Variants in BARHL2 observed in about 807,000 individuals in gnomAD.
The protein encoded by BARHL2 is barH-like 2 homeobox protein.
A neutral mutation model predicts 27.1 loss-of-function variants in BARHL2; 10 were observed. The observed-to-expected ratio is 0.37, with a 90% confidence interval of 0.23 to 0.63. The LOEUF is 0.63. Ranked by LOEUF, BARHL2 falls within the 20% of genes least tolerant of loss-of-function variation. The pLI, the probability that BARHL2 is intolerant of heterozygous loss-of-function variation, is 0.65. For missense variants in BARHL2, 483 were observed against 533.5 expected (o/e 0.91, Z 0.93); for synonymous variants, 248 against 224.7 (o/e 1.10, Z -0.93).
chr1:90,715,409 G>A (rs533058440), intron 1 of BARHL2, among the ~76,000 whole-genome samples: 5 of 152,100 alleles, frequency 3.3e-5, no homozygotes, highest in Middle Eastern at 3.4e-3. Flanking sequence ...GGAGATTTCC[G>A]GATTCTATTT....
At chr1:90,715,842 T>C (rs78568835) in intron 1 of BARHL2, among the ~76,000 whole-genome samples, 1 of 141,068 alleles carries the variant, frequency 7.1e-6, no homozygotes, top group Non-Finnish European at 1.6e-5. Context: ...TGTCATCTTA[T>C]TTTTTTTTTA....
At chr1:90,715,170 CTT>C (rs35625130) in intron 1 of BARHL2, among the ~76,000 whole-genome samples, 16,181 of 66,392 alleles carry the variant, frequency 0.24, 972 homozygotes, top group South Asian at 0.35. Flanking sequence ...TCCCTCTACT[CTT>C]TTTTTTTTTT....
chr1:90,714,575 G>A lies in BARHL2; in HGVS notation c.807C>T (p.Leu269=), dbSNP rs1441421527. Reference sequence around the variant, plus strand: ...TCTTGACTTGGGTGTCAGTGAGGTTGAGCGCTGCAGCCAGGTCCATGCGAT... The same window carrying A: ...TCTTGACTTGGGTGTCAGTGAGGTTAAGCGCTGCAGCCAGGTCCATGCGAT... ...VQDRMDLAAA[L]NLTDTQVKTW... Residue 269 remains leucine (L), a synonymous_variant, in exon 2 of 3, where the codon CTC becomes CTT. Transcript: ENST00000370445. The A allele has an allele frequency of 6.2e-7, 1 of 1,614,242 alleles. No homozygotes were observed. Among genetic ancestry groups the A allele is most frequent in the African/African-American group, 1.3e-5 (1 of 75,068 alleles).
chr1:90,714,341 A>G (rs939549734), intron 2 of BARHL2, among the ~76,000 whole-genome samples, 190 bp downstream of exon 2: 5 of 152,250 alleles, frequency 3.3e-5, no homozygotes, highest in African/African-American at 1.2e-4. Context: ...TCCAAATTCC[A>G]GCTGCCCTTT....
Position 90,712,478 on chromosome 1 carries a change from G to A in BARHL2, c.998C>T (p.Ala333Val). The A allele has an allele frequency of 6.2e-7, 1 of 1,609,482 alleles. No individual in the cohort carries two copies. The highest frequency in any genetic ancestry group is 1.1e-5 in the South Asian group (1 of 90,828). Residue 333 changes from alanine (A) to valine (V), a missense_variant, in exon 3 of 3, where the codon GCT (alanine) becomes GTT (valine). Physicochemically the swap from Ala to Val is moderately conservative, Grantham distance 64. This residue lies in a region of BARHL2 where 130 missense variants were observed against 138.0 expected (regional missense o/e 0.94). Coordinates refer to ENST00000370445, the MANE Select transcript of BARHL2 (RefSeq NM_020063.2). ...CATGCTGCTGTACATGGCAGCGGCA[G>A]CCGCCGCCGCCGTAGTGCTGTCCAT... ...GSMDSTTAAA[A>V]AAAMYSSMYR...
At chr1:90,715,333 C>G (rs1227603841) in intron 1 of BARHL2, among the ~76,000 whole-genome samples, 1 of 152,132 alleles carries the variant, frequency 6.6e-6, no homozygotes, top group Admixed American at 6.5e-5. Flanking sequence ...TAAAGCTTCA[C>G]AAAGAATATG....
rs2100643906 is a variant in BARHL2, at chr1:90,717,140, C to T, written c.56G>A (p.Ser19Asn). ...SSFGIDTILS[S>N]ASSGSPGMMN... ...CATGCCTGGGCTGCCTGAACTGGCA[C>T]TGGACAAAATCGTGTCTATTCCAAA... The change falls in exon 1 of 3, where the codon AGT becomes AAT. Residue 19 changes from serine (S) to asparagine (N), a missense_variant. Coordinates refer to ENST00000370445, the MANE Select transcript of BARHL2 (RefSeq NM_020063.2). 1 of 1,613,902 alleles carries T rather than the reference C, an allele frequency of 6.2e-7. No individual in the cohort carries two copies. Among genetic ancestry groups the T allele is most frequent in the South Asian group, 1.1e-5 (1 of 91,012 alleles).
intron 2 of BARHL2, 127 bp downstream of exon 2, chr1:90,714,404 C>T (rs1658101207): frequency 2.2e-6 from 2 of 894,592 alleles, no homozygotes; most frequent in Admixed American, 4.3e-5. Context: ...CTTAAAGCAC[C>T]CAAGTGCCCA....
In BARHL2 at chr1:90,716,728, T is replaced by A; in HGVS notation, c.468A>T (p.Ala156=). ...ATACGCTGGTGCTGTAGGGTGCACA[T>A]GCCGCCAGAGGTTTGCTGTCGCCCA... ...DILGDSKPLA[A]CAPYSTSVSS... Residue 156 remains alanine, a synonymous_variant, in exon 1 of 3, where the codon GCA becomes GCT. Coordinates refer to ENST00000370445, the MANE Select transcript of BARHL2 (RefSeq NM_020063.2). 2.5e-6 allele frequency: 4 copies of A among 1,606,386 alleles called. No individual in the cohort carries two copies. In the Admixed American group the frequency reaches 5.1e-5, roughly 21 times the overall value.
rs558281826 is a variant in BARHL2, at chr1:90,712,441, A to G, written c.1035T>C (p.Pro345=). The change falls in exon 3 of 3, where the codon CCT becomes CCC. Residue 345 remains proline (P), a synonymous_variant. Transcript: ENST00000370445. ...AAMYSSMYRT[P]PAPHPQLQRP... ...GCTGCAGCTGGGGATGGGGTGCTGGAGGAGTCCGGTACATGCTGCTGTACA... is the reference window on the plus strand; with the variant it reads ...GCTGCAGCTGGGGATGGGGTGCTGGGGGAGTCCGGTACATGCTGCTGTACA... 3 of 1,612,374 alleles carry G rather than the reference A, an allele frequency of 1.9e-6. No individual in the cohort carries two copies. Among genetic ancestry groups the G allele is most frequent in the South Asian group, 2.2e-5 (2 of 90,744 alleles).
In BARHL2 at chr1:90,712,370, C is replaced by G; in HGVS notation, c.1106G>C (p.Gly369Ala). The change falls in exon 3 of 3, where the codon GGA becomes GCA. Residue 369 changes from glycine to alanine, a missense_variant. Transcript: ENST00000370445. ...GGACAATGGATTAAGGGCTGGCTGTCCCCCAGGCCCTAGGCCGTGGATGAG... is the reference window on the plus strand; with the variant it reads ...GGACAATGGATTAAGGGCTGGCTGTGCCCCAGGCCCTAGGCCGTGGATGAG... ...RVLIHGLGPG[G>A]QPALNPLSSP... is the part of the protein sequence containing the mutation. The G allele has an allele frequency of 2.6e-6, 4 of 1,556,666 alleles. No homozygotes were observed. The highest frequency in any genetic ancestry group is 3.5e-6 in the Non-Finnish European group (4 of 1,147,440).
Position 90,716,855 on chromosome 1 carries a change from G to GGCT in BARHL2, c.338_340dup (p.Gln113dup). 6.4e-7 allele frequency: 1 copy of GGCT among 1,556,664 alleles called. No homozygotes were observed. Among genetic ancestry groups the GGCT allele is most frequent in the Non-Finnish European group, 8.7e-7 (1 of 1,151,132 alleles). On this transcript the variant is annotated inframe_insertion, in exon 1 of 3. Coordinates refer to ENST00000370445, the MANE Select transcript of BARHL2 (RefSeq NM_020063.2). ...CGGCGGCGGCTGCTGTGGCGGCAGC[G>GGCT]GCTGCTGCTGTTGGGGCAAAGGCTG...
rs769835530 is a variant in BARHL2 at position 90,712,366 on chromosome 1, C to G, written c.1110G>C (p.Gln370His). ...VLIHGLGPGG[Q>H]PALNPLSSPI... ...GGCTGGACAATGGATTAAGGGCTGG[C>G]TGTCCCCCAGGCCCTAGGCCGTGGA... Residue 370 changes from glutamine to histidine, a missense_variant, in exon 3 of 3, where the codon CAG (glutamine) becomes CAC (histidine). Coordinates refer to ENST00000370445, the MANE Select transcript of BARHL2 (RefSeq NM_020063.2). 8 of 1,550,356 alleles carry G rather than the reference C, an allele frequency of 5.2e-6. No individual in the cohort carries two copies. The East Asian group carries it at 1.9e-4, about 37-fold the overall frequency.
Position 90,712,642 on chromosome 1 carries a change from T to C in BARHL2, c.852-18A>G. On this transcript the variant is annotated intron_variant, in intron 2 of 2. Transcript: ENST00000370445. Reference sequence around the variant, plus strand: ...ACTTGGTCCTGAAAGAAAGCGGGTGTGCAGGCACCCAGCAGCTGTGGGCAT... The same window carrying C: ...ACTTGGTCCTGAAAGAAAGCGGGTGCGCAGGCACCCAGCAGCTGTGGGCAT... The C allele has an allele frequency of 6.3e-7, 1 of 1,586,206 alleles. No homozygotes were observed. The highest frequency in any genetic ancestry group is 8.6e-7 in the Non-Finnish European group (1 of 1,163,290).
In BARHL2 at chr1:90,716,656, C is replaced by T. The variant is rs553886535; in HGVS notation, c.540G>A (p.Glu180=). The part of the protein sequence containing the change: ...TPKQESNAVH[E]SFRPKLEQED... ...CCTGCTCGAGCTTTGGCCTGAAGCT[C>T]TCGTGCACTGCGTTGCTCTCCTGCT... is the stretch of plus-strand genomic sequence containing the variant. The change falls in exon 1 of 3, where the codon GAG becomes GAA. Residue 180 remains glutamate (E), a synonymous_variant. Transcript: ENST00000370445. 2.6e-4 allele frequency: 425 copies of T among 1,613,932 alleles called. 6 individuals carry two copies. In the South Asian group the frequency reaches 4.4e-3, roughly 17 times the overall value.
In BARHL2 at chr1:90,716,794, G is replaced by A; in HGVS notation, c.402C>T (p.Ala134=). 1 of 1,552,746 alleles carries A rather than the reference G, an allele frequency of 6.4e-7. No individual in the cohort carries two copies. The highest frequency in any genetic ancestry group is 8.7e-7 in the Non-Finnish European group (1 of 1,147,946). ...PPQQLGSAAS[A]PRTSTSSFLI... is the part of the protein sequence containing the mutation. ...AAAAAGAAGACGTGGAAGTCCTGGG[G>A]GCCGAGGCGGCCGAGCCCAGCTGCT... The change falls in exon 1 of 3, where the codon GCC becomes GCT. Residue 134 remains alanine (A), a synonymous_variant. Coordinates refer to ENST00000370445, the MANE Select transcript of BARHL2 (RefSeq NM_020063.2).
intron 2 of BARHL2, among the ~76,000 whole-genome samples, chr1:90,714,148 A>T (rs1429389464): frequency 1.3e-5 from 2 of 152,226 alleles, no homozygotes; most frequent in Non-Finnish European, 2.9e-5. Context: ...CTTTGGAACC[A>T]GCCTGGGGTG....
chr1:90,715,555 T>C (rs1009631592), intron 1 of BARHL2, among the ~76,000 whole-genome samples: 2 of 151,986 alleles, frequency 1.3e-5, no homozygotes, highest in Non-Finnish European at 2.9e-5. Context: ...ACTGGGGAGG[T>C]TGGTGCACAA....
rs751109974 is a variant in BARHL2, at chr1:90,712,484, G to A, written c.992C>T (p.Ala331Val). ...GCTGTACATGGCAGCGGCAGCCGCC[G>A]CCGCCGTAGTGCTGTCCATGCTGCC... The part of the protein sequence containing the change: ...LLGSMDSTTA[A>V]AAAAAMYSSM... The change falls in exon 3 of 3, where the codon GCG (alanine) becomes GTG (valine). Residue 331 changes from alanine (A) to valine (V), a missense_variant. Around this residue, in one of 3 missense-constraint regions of BARHL2, gnomAD observed 130 missense variants for 138.0 expected, o/e 0.94. Coordinates refer to ENST00000370445, the MANE Select transcript of BARHL2 (RefSeq NM_020063.2). The A allele has an allele frequency of 8.1e-6, 13 of 1,612,144 alleles. No individual in the cohort carries two copies. The highest frequency in any genetic ancestry group is 1.7e-5 in the Admixed American group (1 of 59,966).
Sources: gnomAD v4.1 joint callset for allele counts (sites outside exome capture counted in the v4.1 genomes callset) on GRCh38, gnomAD v4.1.1 for gene constraint, gnomAD v4.1.1 regional missense constraint, MANE v1.5 for transcripts, NCBI Gene and HGNC (gene_info 2026-07-23, HGNC 2026-07-21) for gene names.